Variants in ZFHX3 observed in about 807,000 individuals in gnomAD.
ZFHX3 encodes the protein zinc finger homeobox protein 3.
In ZFHX3, 42 loss-of-function variants were observed where a neutral mutation model predicts 279.1. That is an observed-to-expected ratio of 0.15 (90% CI 0.12 to 0.19). The LOEUF is 0.19. Among genes scored for constraint, ZFHX3 ranks in the 10% least tolerant of loss-of-function variants. ZFHX3 has a pLI of 1.00. For missense variants in ZFHX3, 4,981 were observed against 4,754.0 expected (o/e 1.05, Z -1.40); for synonymous variants, 2,293 against 1,957.8 (o/e 1.17, Z -4.52).
Position 73,096,658 on chromosome 16 carries a change from G to T in ZFHX3, c.-896-3060C>A, listed in dbSNP as rs1367271535. Reference sequence around the variant, plus strand: ...GACCTCAAGGGATCCACCTGCCTCAGCCTCCCCAAATGCTGGGATTACAGG... The same window carrying T: ...GACCTCAAGGGATCCACCTGCCTCATCCTCCCCAAATGCTGGGATTACAGG... On this transcript the variant is annotated intron_variant, in intron 7 of 17. Transcript: ENST00000641206. Among the ~76,000 whole-genome samples the T allele has an allele frequency of 2.0e-5, 3 of 151,832 alleles. No homozygotes were observed. In the East Asian group the frequency reaches 5.8e-4, roughly 29 times the overall value.
rs539283382 is a variant in ZFHX3 at position 73,415,082 on chromosome 16, C to CAAAGTTCCCTT, written c.-1291+40910_-1291+40920dup. On this transcript the variant is annotated intron_variant, in intron 3 of 17. Transcript: ENST00000641206. ...GCATTCACAGTTCATTCCTGGGAGCCAAAGTTCCCTTTTGTAGTTCCAAAT... is the reference window on the plus strand; with the variant it reads ...GCATTCACAGTTCATTCCTGGGAGCCAAAGTTCCCTTAAAGTTCCCTTTTGTAGTTCCAAAT... 3.6e-3 allele frequency among the ~76,000 whole-genome samples: 548 copies of CAAAGTTCCCTT among 152,306 alleles called. 3 individuals are homozygous for CAAAGTTCCCTT. The highest frequency in any genetic ancestry group is 0.013 in the South Asian group (64 of 4,820).
intron 1 of ZFHX3, among the ~76,000 whole-genome samples, chr16:73,864,767 A>G (rs1447915380): frequency 6.7e-6 from 1 of 148,550 alleles, no homozygotes; most frequent in African/African-American, 2.5e-5. Context: ...GGTGGACTTG[A>G]CATAGCCTGG....
rs186131855 is a variant in ZFHX3 at position 73,166,849 on chromosome 16, C to G, written c.-1103-23018G>C. ...AGCCTTTTCAGAGTCACCTGAGGAC[C>G]CTCCAGACAGGGAAAATCTTGATGA... On this transcript the variant is annotated intron_variant, in intron 5 of 17. Coordinates refer to the ZFHX3 transcript ENST00000641206. Among the ~76,000 whole-genome samples, 7 of 152,206 alleles carry G rather than the reference C, an allele frequency of 4.6e-5. No individual in the cohort carries two copies. In the East Asian group the frequency reaches 1.3e-3, roughly 29 times the overall value.
At chr16:73,120,892 G>A (rs1240986557) in intron 7 of ZFHX3, among the ~76,000 whole-genome samples, 2 of 151,794 alleles carry the variant, frequency 1.3e-5, no homozygotes, top group Non-Finnish European at 2.9e-5. Flanking sequence ...CTGACCTTGT[G>A]ATCCGCCCAC....
chr16:73,610,251 G>A (rs981121602), intron 2 of ZFHX3, among the ~76,000 whole-genome samples: 1 of 152,114 alleles, frequency 6.6e-6, no homozygotes, highest in Non-Finnish European at 1.5e-5. Flanking sequence ...GAGAGCGGCC[G>A]GGCCTGATGG....
chr16:73,578,969 G>T (rs77098481), intron 2 of ZFHX3, among the ~76,000 whole-genome samples: 4,806 of 152,234 alleles, frequency 0.032, 304 homozygotes, highest in Admixed American at 0.14. Flanking sequence ...TGATGAGAAG[G>T]GAGAGCCGGA....
chr16:72,994,945 A>G, intron 1 of ZFHX3, among the ~76,000 whole-genome samples: 1 of 152,142 alleles, frequency 6.6e-6, no homozygotes, highest in East Asian at 1.9e-4. Context: ...CATTCCCATC[A>G]AGTTAAATGA....
At chr16:73,691,760 C>A (rs1400900483) in intron 1 of ZFHX3, among the ~76,000 whole-genome samples, 1 of 152,164 alleles carries the variant, frequency 6.6e-6, no homozygotes, top group Non-Finnish European at 1.5e-5. Flanking sequence ...GCATCTTCTA[C>A]AATATTTCAG....
rs183146449 is a variant in ZFHX3, at chr16:73,380,420, C to T, written c.-1290-62084G>A. On this transcript the variant is annotated intron_variant, in intron 3 of 17. Transcript: ENST00000641206. ...TATGTTATCTGCAGAACTAGTGAAA[C>T]GCACTGACACAAGAAAATGAAGTCA... 3.2e-4 allele frequency among the ~76,000 whole-genome samples: 49 copies of T among 152,182 alleles called. No homozygotes were observed. The East Asian group carries it at 7.3e-3, about 23-fold the overall frequency.
chr16:73,602,091 C>A (rs1408984183), intron 2 of ZFHX3, among the ~76,000 whole-genome samples: 1 of 152,102 alleles, frequency 6.6e-6, no homozygotes, highest in East Asian at 1.9e-4. Flanking sequence ...GTGATGTTAC[C>A]ACTGCACTCC....
chr16:73,403,960 G>A (rs2017308479), intron 3 of ZFHX3, among the ~76,000 whole-genome samples: 1 of 152,054 alleles, frequency 6.6e-6, no homozygotes, highest in Middle Eastern at 3.4e-3. Flanking sequence ...TTTTCCAGGC[G>A]AAAATGGAAG....
chr16:73,868,367 C>CA (rs1421477151), intron 1 of ZFHX3, among the ~76,000 whole-genome samples: 1 of 152,050 alleles, frequency 6.6e-6, no homozygotes, highest in South Asian at 2.1e-4. Context: ...ACCAAAAATA[C>CA]AAAAAAATTA....
chr16:73,510,590 C>A (rs2019411720), intron 2 of ZFHX3, among the ~76,000 whole-genome samples: 1 of 152,182 alleles, frequency 6.6e-6, no homozygotes, highest in East Asian at 1.9e-4. Context: ...CGTAGGGTCA[C>A]CATGTACTGA....
At chr16:73,251,320 G>A (rs1326481120) in intron 5 of ZFHX3, among the ~76,000 whole-genome samples, 3 of 152,142 alleles carry the variant, frequency 2.0e-5, no homozygotes, top group East Asian at 1.9e-4. Context: ...TGTGGATAAT[G>A]TTACACCACA....
At chr16:73,288,736 G>C (rs1162180455) in intron 4 of ZFHX3, among the ~76,000 whole-genome samples, 3 of 152,076 alleles carry the variant, frequency 2.0e-5, no homozygotes, top group Non-Finnish European at 4.4e-5. Context: ...GCGGCTCCGA[G>C]AGCCAAGATT....
At chr16:73,769,463 T>C (rs542460575) in intron 1 of ZFHX3, among the ~76,000 whole-genome samples, 1 of 152,300 alleles carries the variant, frequency 6.6e-6, no homozygotes, top group Non-Finnish European at 1.5e-5. Flanking sequence ...ATTCATCAAA[T>C]GCTTGCAGAA....
Position 73,782,762 on chromosome 16 carries a change from T to C in ZFHX3, c.-1607-102522A>G, listed in dbSNP as rs769786772. 2.6e-5 allele frequency among the ~76,000 whole-genome samples: 4 copies of C among 152,212 alleles called. No individual in the cohort carries two copies. In the East Asian group the frequency reaches 7.7e-4, roughly 29 times the overall value. On this transcript the variant is annotated intron_variant, in intron 1 of 17. Coordinates refer to the ZFHX3 transcript ENST00000641206. ...AAAGGAAATCCTGGGTTCCAGGTTG[T>C]ATGCTGCAAGATGACAGACCTGAAA...
intron 3 of ZFHX3, among the ~76,000 whole-genome samples, chr16:73,414,767 T>G (rs1391074424): frequency 6.6e-6 from 1 of 151,974 alleles, no homozygotes; most frequent in Admixed American, 6.6e-5. Context: ...GCCTGGGAGG[T>G]TGAGGCTGCA....
intron 1 of ZFHX3, among the ~76,000 whole-genome samples, chr16:73,004,003 TTA>T (rs1963601649): frequency 6.6e-6 from 1 of 151,540 alleles, no homozygotes; most frequent in African/African-American, 2.4e-5. Flanking sequence ...AAGCTCAACC[TTA>T]CCAGTAATCA....
Sources: allele counts gnomAD v4.1 joint callset (sites outside exome capture counted in the v4.1 genomes callset), GRCh38; gene constraint gnomAD v4.1.1; transcripts MANE v1.5; gene names NCBI Gene and HGNC (gene_info 2026-07-23, HGNC 2026-07-21).